MYO3B: variants seen among roughly 807,000 people sequenced by gnomAD.
The protein encoded by MYO3B is myosin-IIIb.
In MYO3B, 156 loss-of-function variants were observed where a neutral mutation model predicts 174.6. That is an observed-to-expected ratio of 0.89 (90% CI 0.78 to 1.02). MYO3B has a LOEUF of 1.02. Among genes scored for constraint, MYO3B ranks in the 50% least tolerant of loss-of-function variants. The pLI is 0.00. For missense variants in MYO3B, 1,632 were observed against 1,639.4 expected (o/e 1.00, Z 0.08); for synonymous variants, 563 against 569.1 (o/e 0.99, Z 0.15).
At chr2:170,383,654 G>A in intron 11 of MYO3B, 56 bp from the exon 12 acceptor site, 1 of 1,303,598 alleles carries the variant, frequency 7.7e-7, no homozygotes, top group Non-Finnish European at 1.1e-6. Context: ...TGGGCAATAG[G>A]TAGTGGAGTA....
At chr2:170,246,865 G>A (rs1488657378) in intron 7 of MYO3B, among the ~76,000 whole-genome samples, 5 of 152,076 alleles carry the variant, frequency 3.3e-5, no homozygotes, top group Non-Finnish European at 7.4e-5. Context: ...AATGCGGGGA[G>A]GGAGGGAGGT....
At chr2:170,268,808 G>A (rs909032986) in intron 7 of MYO3B, among the ~76,000 whole-genome samples, 6 of 151,728 alleles carry the variant, frequency 4.0e-5, no homozygotes, top group Non-Finnish European at 7.4e-5. Context: ...CTTCAAATAA[G>A]AAAAAGATTG....
At chr2:170,329,848 G>A (rs1574797319) in intron 7 of MYO3B, among the ~76,000 whole-genome samples, 2 of 152,254 alleles carry the variant, frequency 1.3e-5, no homozygotes, top group African/African-American at 2.4e-5. Flanking sequence ...ACAGACACAC[G>A]ACTAACTATT....
intron 16 of MYO3B, among the ~76,000 whole-genome samples, chr2:170,394,308 A>G (rs1053031830): frequency 1.3e-5 from 2 of 152,198 alleles, no homozygotes; most frequent in Non-Finnish European, 2.9e-5. Flanking sequence ...AAAAGAAAGT[A>G]TATAATGGTG....
At chr2:170,399,242 CAAAAAAAAA>C (rs71399532) in intron 16 of MYO3B, among the ~76,000 whole-genome samples, 1 of 15,622 alleles carries the variant, frequency 6.4e-5, no homozygotes, top group African/African-American at 2.0e-4. Flanking sequence ...AATTCCGTCT[CAAAAAAAAA>C]AAAAAAAAAA....
At chr2:170,562,129 G>T (rs1424958917) in intron 32 of MYO3B, among the ~76,000 whole-genome samples, 1 of 152,162 alleles carries the variant, frequency 6.6e-6, no homozygotes, top group Non-Finnish European at 1.5e-5. Flanking sequence ...AGAACATGAA[G>T]ATTGGGATAA....
At chr2:170,316,548 T>C (rs577773529) in intron 7 of MYO3B, among the ~76,000 whole-genome samples, 9 of 152,368 alleles carry the variant, frequency 5.9e-5, no homozygotes, top group African/African-American at 1.7e-4. Flanking sequence ...GAGGATGCCA[T>C]GCCACCTATT....
chr2:170,640,422 G>C (rs1436456315), intron 32 of MYO3B: 1 of 152,108 alleles, frequency 6.6e-6, no homozygotes, highest in Non-Finnish European at 1.5e-5. Context: ...CCAAGTGAAG[G>C]CCTCTAATAA....
intron 7 of MYO3B, among the ~76,000 whole-genome samples, chr2:170,257,178 G>A (rs1443335676): frequency 6.6e-6 from 1 of 152,048 alleles, no homozygotes; most frequent in Non-Finnish European, 1.5e-5. Flanking sequence ...GACAGTGTTA[G>A]ATCATCAAGG....
At chr2:170,374,468 C>T (rs981680955) in intron 9 of MYO3B, among the ~76,000 whole-genome samples, 2 of 151,938 alleles carry the variant, frequency 1.3e-5, no homozygotes, top group African/African-American at 4.8e-5. Context: ...TGGGCAACTT[C>T]GGTGGAATAG....
intron 32 of MYO3B, among the ~76,000 whole-genome samples, chr2:170,642,847 A>C (rs144529798): frequency 1.3e-5 from 2 of 152,288 alleles, no homozygotes; most frequent in East Asian, 3.9e-4. Context: ...AGCATTCCTG[A>C]AATAGTCCAT....
At position 170,273,235 on chromosome 2, in the gene MYO3B, A is replaced by G. The variant is rs553404000; in HGVS notation, c.749+37099A>G. On this transcript the variant is annotated intron_variant, in intron 7 of 34. Transcript: ENST00000408978. ...GTGACCATGTGGGGGTTTGAGGTCCAAGCCTCAACTGATAATTAAAAGTGA... is the reference window on the plus strand; with the variant it reads ...GTGACCATGTGGGGGTTTGAGGTCCGAGCCTCAACTGATAATTAAAAGTGA... 2.8e-4 allele frequency among the ~76,000 whole-genome samples: 42 copies of G among 152,236 alleles called. 1 individual carries two copies. Among genetic ancestry groups the G allele is most frequent in the African/African-American group, 9.6e-4 (40 of 41,558 alleles).
intron 32 of MYO3B, among the ~76,000 whole-genome samples, chr2:170,616,376 C>T (rs1433642411): frequency 6.6e-6 from 1 of 152,142 alleles, no homozygotes; most frequent in Non-Finnish European, 1.5e-5. Context: ...GTGAAACCTC[C>T]CTGACTGCAC....
At chr2:170,263,543 A>T (rs1356924687) in intron 7 of MYO3B, among the ~76,000 whole-genome samples, 3 of 152,130 alleles carry the variant, frequency 2.0e-5, no homozygotes, top group African/African-American at 7.2e-5. Flanking sequence ...GCAGGAAAAC[A>T]TGTGAACATA....
At chr2:170,314,295 A>G (rs900076461) in intron 7 of MYO3B, among the ~76,000 whole-genome samples, 4 of 152,184 alleles carry the variant, frequency 2.6e-5, no homozygotes, top group African/African-American at 9.7e-5. Context: ...TATATGTTCA[A>G]CCAACAGTTT....
intron 32 of MYO3B, among the ~76,000 whole-genome samples, chr2:170,546,275 G>A (rs1243935948): frequency 6.6e-6 from 1 of 152,084 alleles, no homozygotes; most frequent in Non-Finnish European, 1.5e-5. Flanking sequence ...AAACTCTCTA[G>A]AATCATGTCT....
At chr2:170,214,862 G>A in intron 5 of MYO3B, 34 bp downstream of exon 5, 1 of 1,496,146 alleles carries the variant, frequency 6.7e-7, no homozygotes, top group Non-Finnish European at 9.3e-7. Flanking sequence ...TTCTTGACGT[G>A]TGCAGTTTAG....
intron 23 of MYO3B, among the ~76,000 whole-genome samples, chr2:170,451,919 G>A (rs896738971): frequency 8.5e-5 from 13 of 152,144 alleles, no homozygotes; most frequent in African/African-American, 2.9e-4. Context: ...AAACACTATG[G>A]AAGAAGACAG....
chr2:170,627,494 G>T (rs1009430723), intron 32 of MYO3B, among the ~76,000 whole-genome samples: 8 of 152,100 alleles, frequency 5.3e-5, no homozygotes, highest in African/African-American at 1.9e-4. Context: ...CGATGGGTTC[G>T]AACTTCCTCC....
Sources: allele counts gnomAD v4.1 joint callset (sites outside exome capture counted in the v4.1 genomes callset), GRCh38; gene constraint gnomAD v4.1.1; transcripts MANE v1.5; gene names NCBI Gene and HGNC (gene_info 2026-07-23, HGNC 2026-07-21).